The following GLRA2 variants were observed in gnomAD, a reference collection of about 807,000 sequenced individuals.
GLRA2 encodes the protein glycine receptor alpha 2.
In GLRA2, 11 loss-of-function variants were observed where a neutral mutation model predicts 31.6. The ratio of observed to expected loss-of-function variants is 0.35; its 90% confidence interval spans 0.22 to 0.58. The LOEUF (loss-of-function observed/expected upper bound fraction) is 0.58, where lower values mean the gene tolerates loss of function less well. Ranked by LOEUF, GLRA2 falls within the 20% of genes least tolerant of loss-of-function variation. The pLI is 0.84. For missense variants in GLRA2, 212 were observed against 351.8 expected (o/e 0.60, Z 3.18); for synonymous variants, 132 against 134.0 (o/e 0.99, Z 0.10).
intron 8 of GLRA2, among the ~76,000 whole-genome samples, chrX:14,691,671 C>T (rs182550928): frequency 9.0e-6 from 1 of 111,718 alleles, no homozygotes; most frequent in Non-Finnish European, 1.9e-5. Flanking sequence ...TTCTGCAGCT[C>T]CCCAGGCAAT....
chrX:14,592,541 G>A (rs5935782), intron 4 of GLRA2, among the ~76,000 whole-genome samples: 43,211 of 109,435 alleles, frequency 0.39, 7,823 homozygotes, highest in African/African-American at 0.71. Flanking sequence ...GCTTGGTGGC[G>A]TGTGTTTGTA....
the GLRA2 span, among the ~76,000 whole-genome samples, chrX:14,519,422 A>G: frequency 8.9e-6 from 1 of 111,903 alleles, no homozygotes; most frequent in African/African-American, 3.2e-5. Flanking sequence ...AGATCCCATT[A>G]TTCTAATGTC....
At chrX:14,452,373 C>T in the GLRA2 span, among the ~76,000 whole-genome samples, 3 of 112,549 alleles carry the variant, frequency 2.7e-5, no homozygotes, top group African/African-American at 9.7e-5. Flanking sequence ...CTTTGATTCT[C>T]TTTATGCTGC....
intron 8 of GLRA2, among the ~76,000 whole-genome samples, chrX:14,722,553 G>C (rs1363901969): frequency 1.8e-5 from 2 of 111,660 alleles, no homozygotes; most frequent in Non-Finnish European, 3.8e-5. Context: ...ATGTCTCAAT[G>C]GAAAGAGTGT....
chrX:14,585,230 C>A (rs1267237626), intron 4 of GLRA2, among the ~76,000 whole-genome samples: 2 of 111,331 alleles, frequency 1.8e-5, no homozygotes, highest in Non-Finnish European at 3.8e-5. Flanking sequence ...TAATTATTTG[C>A]CTAGAAGGGC....
chrX:14,573,469 T>C (rs2089912187), intron 2 of GLRA2, among the ~76,000 whole-genome samples: 1 of 111,596 alleles, frequency 9.0e-6, no homozygotes, highest in South Asian at 3.7e-4. Context: ...AGCAAGTAAA[T>C]AGATAGTTCA....
At chrX:14,556,439 A>G (rs748551313) in intron 2 of GLRA2, among the ~76,000 whole-genome samples, 1 of 112,025 alleles carries the variant, frequency 8.9e-6, no homozygotes, top group African/African-American at 3.2e-5. Context: ...CTAAGGCTAA[A>G]TGGCTCTTTA....
At chrX:14,520,144 G>A in the GLRA2 span, among the ~76,000 whole-genome samples, 2 of 112,014 alleles carry the variant, frequency 1.8e-5, no homozygotes, top group East Asian at 2.8e-4. Context: ...TGGAATGGGG[G>A]TTAGATACTC....
intron 7 of GLRA2, among the ~76,000 whole-genome samples, chrX:14,645,908 A>T (rs2090825808): frequency 8.9e-6 from 1 of 111,940 alleles, no homozygotes; most frequent in South Asian, 3.7e-4. Flanking sequence ...GTCTACAAAA[A>T]ATTAGCTCTT....
At chrX:14,453,112 GAGAA>G in the GLRA2 span, among the ~76,000 whole-genome samples, 8 of 111,844 alleles carry the variant, frequency 7.2e-5, no homozygotes, top group East Asian at 8.4e-4. Context: ...GGTTGGAAAA[GAGAA>G]AGAGAGTGGA....
intron 8 of GLRA2, among the ~76,000 whole-genome samples, chrX:14,713,849 T>C (rs770907107): frequency 9.2e-6 from 1 of 109,158 alleles, no homozygotes; most frequent in South Asian, 3.9e-4. Context: ...CACTGGAGAG[T>C]TTTGAGCTGA....
chrX:14,610,937 C>G (rs191428374), intron 7 of GLRA2, among the ~76,000 whole-genome samples: 15 of 112,325 alleles, frequency 1.3e-4, no homozygotes, highest in African/African-American at 4.5e-4. Flanking sequence ...ATGAGGAACT[C>G]AGATAAACCA....
At chrX:14,611,467 C>A (rs2090396733) in intron 7 of GLRA2, among the ~76,000 whole-genome samples, 1 of 113,091 alleles carries the variant, frequency 8.8e-6, no homozygotes. Flanking sequence ...TGCACATGCA[C>A]ACACAGAAAA....
At chrX:14,677,354 A>G (rs2147163926) in intron 7 of GLRA2, among the ~76,000 whole-genome samples, 1 of 112,073 alleles carries the variant, frequency 8.9e-6, no homozygotes, top group Non-Finnish European at 1.9e-5. Context: ...GCATGGATAC[A>G]GAAGACATTA....
chrX:14,562,053 T>C (rs2089739904), intron 2 of GLRA2, among the ~76,000 whole-genome samples: 1 of 112,347 alleles, frequency 8.9e-6, no homozygotes, highest in Admixed American at 9.4e-5. Context: ...CAAAAAAATC[T>C]ATAGTCAAAT....
intron 7 of GLRA2, among the ~76,000 whole-genome samples, chrX:14,667,589 C>A (rs1380780144): frequency 9.0e-6 from 1 of 111,498 alleles, no homozygotes; most frequent in Non-Finnish European, 1.9e-5. Context: ...AAGCATGGAG[C>A]CTACTTGAAT....
In GLRA2 at chrX:14,697,348, G is replaced by A. The variant is rs754796941; in HGVS notation, c.1080+6489G>A. ...TATTAATAGTTGCATTAAAATAAGT[G>A]GAAACGGGTTTGGTTGACCTCCACT... On this transcript the variant is annotated intron_variant, in intron 8 of 8. Coordinates refer to ENST00000218075, the MANE Select transcript of GLRA2 (RefSeq NM_002063.4). Among the ~76,000 whole-genome samples, 15 of 111,962 alleles carry A rather than the reference G, an allele frequency of 1.3e-4. No individual in the cohort carries two copies. The East Asian group carries it at 3.6e-3, about 27-fold the overall frequency.
chrX:14,626,049 T>G (rs1209104793), intron 7 of GLRA2, among the ~76,000 whole-genome samples: 2 of 112,192 alleles, frequency 1.8e-5, no homozygotes, highest in African/African-American at 6.5e-5. Flanking sequence ...TAGTGAACAA[T>G]TATTGAGCTC....
intron 7 of GLRA2, among the ~76,000 whole-genome samples, chrX:14,614,450 G>A (rs893825178): frequency 3.6e-5 from 4 of 110,892 alleles, no homozygotes; most frequent in African/African-American, 1.3e-4. Context: ...TACTCCTCAG[G>A]TCCCCTTCCT....
Sources: allele counts gnomAD v4.1 joint callset (sites outside exome capture counted in the v4.1 genomes callset), GRCh38; gene constraint gnomAD v4.1.1; transcripts MANE v1.5; gene names NCBI Gene and HGNC (gene_info 2026-07-23, HGNC 2026-07-21).